The following DNAH14 variants were observed in gnomAD, a reference collection of about 807,000 sequenced individuals.
DNAH14 encodes dynein axonemal heavy chain 14.
A neutral mutation model predicts 520.9 loss-of-function variants in DNAH14; 478 were observed. The ratio of observed to expected loss-of-function variants is 0.92; its 90% CI spans 0.85 to 0.99. The LOEUF is 0.99. Ranked by LOEUF, DNAH14 falls within the 50% of genes least tolerant of loss-of-function variation. The pLI, the probability that DNAH14 is intolerant of heterozygous loss-of-function variation, is 0.00. For missense variants in DNAH14, 4,831 were observed against 5,234.5 expected (o/e 0.92, Z 2.38); for synonymous variants, 1,581 against 1,757.2 (o/e 0.90, Z 2.51).
chr1:225,043,602 G>C, intron 13 of DNAH14, 142 bp from the exon 14 acceptor site: 5 of 633,264 alleles, frequency 7.9e-6, no homozygotes, highest in Non-Finnish European at 1.1e-5. Context: ...GGGGTGTACT[G>C]CTTCAGTATT....
At chr1:224,934,347 C>A (rs1242294067) in intron 1 of DNAH14, among the ~76,000 whole-genome samples, 2 of 151,174 alleles carry the variant, frequency 1.3e-5, no homozygotes, top group African/African-American at 2.4e-5. Flanking sequence ...TTGAAAAGAA[C>A]CAAATAAAAA....
intron 63 of DNAH14, 84 bp from the exon 64 acceptor site, chr1:225,324,651 CTG>C (rs2094618508): frequency 1.6e-6 from 2 of 1,217,184 alleles, no homozygotes; most frequent in Middle Eastern, 1.9e-4. Context: ...ACAATTGACT[CTG>C]TAAATGTCTT....
chr1:225,122,034 G>A (rs2077342198), intron 26 of DNAH14, among the ~76,000 whole-genome samples: 2 of 152,094 alleles, frequency 1.3e-5, no homozygotes, highest in South Asian at 2.1e-4. Flanking sequence ...GTGATTGTCA[G>A]ACATCATTAA....
chr1:225,165,542 G>T (rs1011614107), intron 35 of DNAH14, among the ~76,000 whole-genome samples: 1 of 148,508 alleles, frequency 6.7e-6, no homozygotes, highest in Non-Finnish European at 1.5e-5. Context: ...GGATTTTATA[G>T]ATTTTGTTTT....
intron 10 of DNAH14, among the ~76,000 whole-genome samples, chr1:225,023,283 C>T (rs754185078): frequency 4.0e-5 from 6 of 150,226 alleles, no homozygotes; most frequent in East Asian, 3.9e-4. Flanking sequence ...AAAAACAAAA[C>T]GAACAAGTAA....
At chr1:225,172,602 T>G (rs932099271) in intron 36 of DNAH14, among the ~76,000 whole-genome samples, 3 of 152,030 alleles carry the variant, frequency 2.0e-5, no homozygotes, top group Non-Finnish European at 4.4e-5. Context: ...CACTGCTCAA[T>G]GAAATAAAAG....
intron 10 of DNAH14, among the ~76,000 whole-genome samples, chr1:225,019,691 A>G (rs2065504909): frequency 1.3e-5 from 2 of 152,222 alleles, no homozygotes; most frequent in South Asian, 4.1e-4. Context: ...CAACTAAATC[A>G]CAAAAATCAA....
chr1:225,393,372 A>G (rs1257904054), intron 84 of DNAH14, among the ~76,000 whole-genome samples: 3 of 152,230 alleles, frequency 2.0e-5, no homozygotes, highest in African/African-American at 7.2e-5. Flanking sequence ...CCTAGGCTAA[A>G]TGGGATAGCC....
Position 225,051,733 on chromosome 1 carries a change from A to G in DNAH14, c.2362A>G (p.Ile788Val), listed in dbSNP as rs2068552881. 1.9e-6 allele frequency: 3 copies of G among 1,550,446 alleles called. No individual in the cohort carries two copies. Among genetic ancestry groups the G allele is most frequent in the South Asian group, 1.2e-5 (1 of 83,800 alleles). ...ATGCTTACTGTATATTGACAACGTC[A>G]TACATATGAGCCACACCCTCATACA... ...SECLLYIDNV[I>V]HMSHTLIQSV... The change falls in exon 17 of 86, where the codon ATA becomes GTA. Residue 788 changes from isoleucine to valine, a missense_variant. Coordinates refer to ENST00000682510, the MANE Select transcript of DNAH14 (RefSeq NM_001367479.1).
chr1:225,383,290 T>C (rs1263648025), intron 81 of DNAH14, among the ~76,000 whole-genome samples: 1 of 152,184 alleles, frequency 6.6e-6, no homozygotes, highest in Non-Finnish European at 1.5e-5. Flanking sequence ...TAAAATTGAA[T>C]ACAAGCTGTG....
At chr1:224,934,771 A>AC (rs934910853) in intron 1 of DNAH14, among the ~76,000 whole-genome samples, 28 of 151,942 alleles carry the variant, frequency 1.8e-4, no homozygotes, top group African/African-American at 6.8e-4. Flanking sequence ...TCTTAAAAAC[A>AC]CCAAGAGAAA....
At chr1:225,330,098 T>G (rs923104919) in intron 64 of DNAH14, among the ~76,000 whole-genome samples, 2 of 152,114 alleles carry the variant, frequency 1.3e-5, no homozygotes, top group African/African-American at 4.8e-5. Flanking sequence ...AAAACTACAG[T>G]GAGATATCAT....
intron 17 of DNAH14, among the ~76,000 whole-genome samples, chr1:225,071,603 G>A (rs1409427920): frequency 2.0e-5 from 3 of 151,900 alleles, no homozygotes; most frequent in African/African-American, 7.3e-5. Flanking sequence ...CTAGCTGCCT[G>A]TATGAGTTCA....
intron 12 of DNAH14, among the ~76,000 whole-genome samples, chr1:225,039,165 G>T (rs1246698548): frequency 6.6e-6 from 1 of 152,070 alleles, no homozygotes; most frequent in Non-Finnish European, 1.5e-5. Flanking sequence ...GAAGTGATGA[G>T]TACTGTGAAG....
intron 26 of DNAH14, among the ~76,000 whole-genome samples, chr1:225,119,643 T>C (rs1387782257): frequency 3.9e-5 from 6 of 152,162 alleles, no homozygotes; most frequent in Non-Finnish European, 7.3e-5. Context: ...CCTCACTACT[T>C]TGCATTTTGG....
intron 49 of DNAH14, among the ~76,000 whole-genome samples, chr1:225,268,214 C>G (rs912850794): frequency 1.3e-5 from 2 of 151,978 alleles, no homozygotes; most frequent in Non-Finnish European, 2.9e-5. Flanking sequence ...ATAAACAGAG[C>G]CAAAGACAAA....
At chr1:225,376,046 C>G (rs1320211850) in intron 78 of DNAH14, among the ~76,000 whole-genome samples, 1 of 152,082 alleles carries the variant, frequency 6.6e-6, no homozygotes, top group East Asian at 1.9e-4. Context: ...CGAGATCACA[C>G]CACTGCATTC....
At chr1:225,143,184 C>T (rs985471068) in intron 28 of DNAH14, among the ~76,000 whole-genome samples, 1 of 151,812 alleles carries the variant, frequency 6.6e-6, no homozygotes, top group Non-Finnish European at 1.5e-5. Context: ...TAAGGGAACA[C>T]TAATGGAAAG....
chr1:225,148,418 T>TTTTTTTTG (rs2080156601), intron 31 of DNAH14, among the ~76,000 whole-genome samples: 1 of 133,186 alleles, frequency 7.5e-6, no homozygotes, highest in African/African-American at 3.1e-5. Context: ...TTTTTTTTTT[T>TTTTTTTTG]TGAGTCGGAG....
Sources: gnomAD v4.1 joint callset for allele counts (sites outside exome capture counted in the v4.1 genomes callset) on GRCh38, gnomAD v4.1.1 for gene constraint, MANE v1.5 for transcripts, NCBI Gene and HGNC (gene_info 2026-07-23, HGNC 2026-07-21) for gene names.